The following PCDH15 variants were observed in gnomAD, a reference collection of about 807,000 sequenced individuals.
PCDH15 encodes protocadherin-15.
A neutral mutation model predicts 178.5 loss-of-function variants in PCDH15; 129 were observed. The observed-to-expected ratio is 0.72, with a 90% CI of 0.63 to 0.84. PCDH15 has a LOEUF of 0.84. PCDH15 is among the 40% of genes least tolerant of loss of function. PCDH15 has a pLI of 0.00. For synonymous variants in PCDH15, 800 were observed against 732.0 expected (o/e 1.09, Z -1.50); for missense variants, 2,230 against 2,099.9 (o/e 1.06, Z -1.21).
intron 1 of PCDH15, among the ~76,000 whole-genome samples, chr10:54,723,506 G>A (rs905453393): frequency 2.0e-5 from 3 of 151,518 alleles, no homozygotes; most frequent in African/African-American, 7.3e-5. Flanking sequence ...TTATAATGAT[G>A]ACCCTGAAAG....
intron 3 of PCDH15, among the ~76,000 whole-genome samples, chr10:54,490,433 G>A (rs979193524): frequency 6.6e-6 from 1 of 151,952 alleles, no homozygotes; most frequent in Non-Finnish European, 1.5e-5. Context: ...CTGGGTGACA[G>A]AGCAAGACTA....
chr10:54,056,510 T>A (rs2093891222), intron 18 of PCDH15, among the ~76,000 whole-genome samples: 1 of 152,094 alleles, frequency 6.6e-6, no homozygotes, highest in African/African-American at 2.4e-5. Context: ...TATAAAACCA[T>A]CAGATCTTGA....
intron 1 of PCDH15, among the ~76,000 whole-genome samples, chr10:55,176,734 G>C (rs2132129488): frequency 6.6e-6 from 1 of 152,178 alleles, no homozygotes; most frequent in South Asian, 2.1e-4. Context: ...GCTAACTCAA[G>C]TACCTGAGGA....
chr10:53,934,529 C>T (rs2921915), intron 25 of PCDH15, among the ~76,000 whole-genome samples: 5,266 of 150,816 alleles, frequency 0.035, 277 homozygotes, highest in African/African-American at 0.12. Flanking sequence ...ACCCAGGAGG[C>T]GGTGCTTGCA....
At chr10:55,349,341 G>A (rs537769599) in intron 2 of PCDH15, among the ~76,000 whole-genome samples, 29 of 152,138 alleles carry the variant, frequency 1.9e-4, no homozygotes, top group Admixed American at 3.3e-4. Flanking sequence ...TCATGAACAG[G>A]CTCAAGAAAA....
intron 20 of PCDH15, among the ~76,000 whole-genome samples, chr10:54,005,372 C>T (rs1261017094): frequency 6.6e-6 from 1 of 152,114 alleles, no homozygotes; most frequent in African/African-American, 2.4e-5. Flanking sequence ...AGTAAAGAGA[C>T]AACCCACAGG....
chr10:54,608,767 A>G (rs1276340143), intron 2 of PCDH15, among the ~76,000 whole-genome samples: 1 of 152,068 alleles, frequency 6.6e-6, no homozygotes, highest in African/African-American at 2.4e-5. Flanking sequence ...GTAGTTTAGT[A>G]AAATACAGTC....
At position 54,333,854 on chromosome 10, in the gene PCDH15, A is replaced by G. The variant is rs1940424657; in HGVS notation, c.595-4148T>C. On this transcript the variant is annotated intron_variant, in intron 6 of 37. Coordinates refer to ENST00000644397, the MANE Select transcript of PCDH15 (RefSeq NM_001384140.1). ...ACTGTACTACGTAAGTCTAAGAGTG[A>G]CTGCACTCTCTGTCCTTGCTATTTA... is the stretch of plus-strand genomic sequence containing the variant. Among the ~76,000 whole-genome samples the G allele has an allele frequency of 2.0e-5, 3 of 152,258 alleles. No homozygotes were observed. In the South Asian group the frequency reaches 6.2e-4, roughly 32 times the overall value.
chr10:55,406,195 G>A (rs866844038), intron 2 of PCDH15, among the ~76,000 whole-genome samples: 13 of 151,956 alleles, frequency 8.6e-5, no homozygotes, highest in Admixed American at 1.3e-4. Context: ...AAAAGCATAC[G>A]ATCCTGTATG....
intron 2 of PCDH15, among the ~76,000 whole-genome samples, chr10:55,427,187 C>T (rs985042061): frequency 1.1e-4 from 17 of 152,158 alleles, no homozygotes; most frequent in African/African-American, 3.1e-4. Flanking sequence ...AGTTATAATC[C>T]GTAGATGTGT....
chr10:55,114,500 A>G (rs1837583201), intron 2 of PCDH15, among the ~76,000 whole-genome samples: 1 of 152,228 alleles, frequency 6.6e-6, no homozygotes, highest in Non-Finnish European at 1.5e-5. Context: ...TCTGACTTTT[A>G]GCTAAGCACA....
intron 3 of PCDH15, among the ~76,000 whole-genome samples, chr10:54,887,260 A>T (rs1186377816): frequency 1.3e-5 from 2 of 152,206 alleles, no homozygotes; most frequent in Admixed American, 1.3e-4. Context: ...AGCACCTCAC[A>T]TCAACAGATC....
Position 53,959,800 on chromosome 10 carries a change from G to C in PCDH15, c.3054C>G (p.Ser1018Arg). Reference protein sequence around the residue: ...AFDDGEPVMSSSATVKILVLH... With the variant: ...AFDDGEPVMSRSATVKILVLH... ...AGACAAGAATCTTCACTGTGGCACT[G>C]CTGGACATCACAGGCTCCCCATCAT... is the stretch of plus-strand genomic sequence containing the variant. The change falls in exon 23 of 38, where the codon AGC (serine) becomes AGG (arginine). Residue 1018 changes from serine (S) to arginine (R), a missense_variant. Physicochemically the swap from Ser to Arg is moderately radical, Grantham distance 110. Transcript: ENST00000644397. The C allele has an allele frequency of 6.2e-7, 1 of 1,614,088 alleles. No homozygotes were observed. Among genetic ancestry groups the C allele is most frequent in the Non-Finnish European group, 8.5e-7 (1 of 1,179,982 alleles).
At chr10:55,195,666 A>G (rs1840076141) in intron 1 of PCDH15, among the ~76,000 whole-genome samples, 2 of 151,336 alleles carry the variant, frequency 1.3e-5, no homozygotes, top group Admixed American at 6.6e-5. Flanking sequence ...AAAAAAAAAA[A>G]AAAAAAGTAG....
chr10:55,132,971 A>G (rs1838094229), intron 2 of PCDH15, among the ~76,000 whole-genome samples: 1 of 152,214 alleles, frequency 6.6e-6, no homozygotes. Flanking sequence ...CAAGTAAAGC[A>G]TGGAAACATT....
chr10:55,274,707 C>A (rs1217139752), intron 1 of PCDH15, among the ~76,000 whole-genome samples: 1 of 152,068 alleles, frequency 6.6e-6, no homozygotes, highest in African/African-American at 2.4e-5. Context: ...TCATGGAAGA[C>A]AAATTTTCCA....
intron 2 of PCDH15, among the ~76,000 whole-genome samples, chr10:55,375,652 T>C (rs759733620): frequency 3.3e-5 from 5 of 152,074 alleles, no homozygotes; most frequent in Non-Finnish European, 5.9e-5. Context: ...TATCTTAGAG[T>C]ACTTGCACTG....
intron 2 of PCDH15, among the ~76,000 whole-genome samples, chr10:55,570,022 A>C (rs1413568624): frequency 5.3e-5 from 8 of 152,050 alleles, no homozygotes. Flanking sequence ...TTTGTGCCTT[A>C]AATTGGGGCA....
chr10:54,513,878 G>A (rs762248592), intron 3 of PCDH15, among the ~76,000 whole-genome samples: 13 of 152,152 alleles, frequency 8.5e-5, no homozygotes, highest in African/African-American at 3.1e-4. Context: ...CACAGAAATT[G>A]CATGTAATAT....
Sources: gnomAD v4.1 joint callset for allele counts (sites outside exome capture counted in the v4.1 genomes callset) on GRCh38, gnomAD v4.1.1 for gene constraint, MANE v1.5 for transcripts, NCBI Gene and HGNC (gene_info 2026-07-23, HGNC 2026-07-21) for gene names.